Variants in SVIL observed in about 807,000 individuals in gnomAD.
The protein encoded by SVIL is archvillin.
In SVIL, 101 loss-of-function variants were observed where a neutral mutation model predicts 240.4. The observed-to-expected ratio is 0.42, with a 90% CI of 0.36 to 0.50. The LOEUF (loss-of-function observed/expected upper bound fraction) is 0.50, where lower values mean the gene tolerates loss of function less well. SVIL is among the 20% of genes least tolerant of loss of function. SVIL has a pLI of 0.01. For missense variants in SVIL, 2,512 were observed against 2,818.7 expected (o/e 0.89, Z 2.46); for synonymous variants, 999 against 1,100.0 (o/e 0.91, Z 1.82).
At chr10:29,600,886 CAT>C (rs1956786725) in intron 1 of SVIL, among the ~76,000 whole-genome samples, 1 of 152,150 alleles carries the variant, frequency 6.6e-6, no homozygotes, top group Admixed American at 6.5e-5. Context: ...ATAGTCAATA[CAT>C]ATGATTATGA....
intron 2 of SVIL, among the ~76,000 whole-genome samples, chr10:29,673,803 C>A (rs578257059): frequency 2.6e-5 from 4 of 152,258 alleles, no homozygotes; most frequent in Non-Finnish European, 5.9e-5. Flanking sequence ...CAAACCATAT[C>A]AGCATTACAG....
intron 5 of SVIL, among the ~76,000 whole-genome samples, chr10:29,553,402 A>C (rs1285132782): frequency 6.6e-6 from 1 of 152,012 alleles, no homozygotes; most frequent in Non-Finnish European, 1.5e-5. Flanking sequence ...AACATGGTGA[A>C]ACCTCATCTG....
intron 1 of SVIL, among the ~76,000 whole-genome samples, chr10:29,606,600 CTAT>C (rs745330121): frequency 2.0e-4 from 31 of 152,130 alleles, no homozygotes; most frequent in Non-Finnish European, 4.3e-4. Context: ...AACTATAATG[CTAT>C]TATATGTAAC....
chr10:29,561,283 G>T (rs1308886968), intron 3 of SVIL, among the ~76,000 whole-genome samples: 2 of 152,000 alleles, frequency 1.3e-5, no homozygotes, highest in Non-Finnish European at 2.9e-5. Context: ...AATAAGCTTA[G>T]GTGTTCTAAA....
chr10:29,542,967 C>T (rs930744355), intron 6 of SVIL, among the ~76,000 whole-genome samples: 1 of 152,192 alleles, frequency 6.6e-6, no homozygotes, highest in Non-Finnish European at 1.5e-5. Context: ...CTGAGCCAAG[C>T]TCCAGCTCTG....
At chr10:29,587,283 G>A (rs910943914) in intron 1 of SVIL, among the ~76,000 whole-genome samples, 15 of 152,192 alleles carry the variant, frequency 9.9e-5, no homozygotes, top group African/African-American at 3.6e-4. Flanking sequence ...CCACGTCTCC[G>A]GGGCTCGGGT....
intron 6 of SVIL, among the ~76,000 whole-genome samples, chr10:29,539,495 C>T (rs1951987718): frequency 6.6e-6 from 1 of 152,122 alleles, no homozygotes; most frequent in African/African-American, 2.4e-5. Context: ...TTGGCTATGA[C>T]ATGTATTTGG....
At chr10:29,567,332 C>T (rs1343912377) in intron 2 of SVIL, among the ~76,000 whole-genome samples, 6 of 152,230 alleles carry the variant, frequency 3.9e-5, no homozygotes, top group African/African-American at 1.2e-4. Context: ...AGCACCCATG[C>T]GGTGTAAGTC....
At chr10:29,498,290 G>C (rs150409352) in intron 18 of SVIL, among the ~76,000 whole-genome samples, 12,817 of 151,150 alleles carry the variant, frequency 0.085, 1,631 homozygotes, top group African/African-American at 0.28. Context: ...TGGTGGTGGC[G>C]GCCTGTAATC....
At chr10:29,495,403 C>T (rs535561486) in intron 18 of SVIL, among the ~76,000 whole-genome samples, 2 of 151,932 alleles carry the variant, frequency 1.3e-5, no homozygotes, top group African/African-American at 2.4e-5. Flanking sequence ...TAGTGGCTGA[C>T]AAGCCGATAT....
At chr10:29,724,768 T>C (rs1023653566) in intron 1 of SVIL, among the ~76,000 whole-genome samples, 7 of 152,124 alleles carry the variant, frequency 4.6e-5, no homozygotes, top group Admixed American at 6.5e-5. Context: ...ACGCCTGTAA[T>C]CCCGGCACTT....
intron 1 of SVIL, among the ~76,000 whole-genome samples, chr10:29,572,999 T>G (rs1271839926): frequency 6.6e-6 from 1 of 152,142 alleles, no homozygotes; most frequent in Non-Finnish European, 1.5e-5. Context: ...TATTAAGGAA[T>G]AAGTCTATTC....
At chr10:29,507,737 C>T in intron 17 of SVIL, 3 of 984,872 alleles carry the variant, frequency 3.0e-6, no homozygotes, top group Non-Finnish European at 3.6e-6. Flanking sequence ...TTTTCCTCAC[C>T]TGATTAATCG....
chr10:29,684,751 T>C (rs78049212), intron 2 of SVIL, among the ~76,000 whole-genome samples: 10,803 of 152,230 alleles, frequency 0.071, 502 homozygotes, highest in South Asian at 0.13. Flanking sequence ...CTATGGAATG[T>C]AAATTTCTCC....
intron 1 of SVIL, among the ~76,000 whole-genome samples, chr10:29,606,491 C>G (rs1957027644): frequency 2.0e-5 from 3 of 152,192 alleles, no homozygotes; most frequent in Admixed American, 2.0e-4. Flanking sequence ...CTGACTCTGT[C>G]TCTCAACAAA....
intron 7 of SVIL, among the ~76,000 whole-genome samples, chr10:29,534,164 C>T (rs1951576886): frequency 6.6e-6 from 1 of 152,182 alleles, no homozygotes; most frequent in South Asian, 2.1e-4. Context: ...ACATTTCCCA[C>T]CACCATCCCC....
chr10:29,597,214 A>G (rs1437481784), intron 1 of SVIL, among the ~76,000 whole-genome samples: 1 of 152,238 alleles, frequency 6.6e-6, no homozygotes, highest in Non-Finnish European at 1.5e-5. Context: ...GGGCATGTGC[A>G]TAACTCCTTA....
intron 3 of SVIL, among the ~76,000 whole-genome samples, chr10:29,652,995 T>C (rs1357103023): frequency 6.6e-6 from 1 of 151,568 alleles, no homozygotes; most frequent in African/African-American, 2.4e-5. Context: ...GCCTTTTTCC[T>C]TTTCCTTTTT....
intron 9 of SVIL, among the ~76,000 whole-genome samples, chr10:29,531,568 C>A (rs936015507): frequency 6.6e-6 from 1 of 152,160 alleles, no homozygotes; most frequent in African/African-American, 2.4e-5. Context: ...CCAGACAAAT[C>A]TTACCATTTC....
Sources: allele counts gnomAD v4.1 joint callset (sites outside exome capture counted in the v4.1 genomes callset), GRCh38; gene constraint gnomAD v4.1.1; transcripts MANE v1.5; gene names NCBI Gene and HGNC (gene_info 2026-07-23, HGNC 2026-07-21).